Variants in ADAMTS17 observed in about 807,000 individuals in gnomAD.
ADAMTS17 encodes A disintegrin and metalloproteinase with thrombospondin motifs 17.
Under a neutral mutation model 141.5 loss-of-function variants are expected in ADAMTS17, and 113 were observed. That is an observed-to-expected ratio of 0.80 (90% CI 0.69 to 0.93). The LOEUF (loss-of-function observed/expected upper bound fraction) is 0.93, where lower values mean the gene tolerates loss of function less well. Among genes scored for constraint, ADAMTS17 ranks in the 40% least tolerant of loss-of-function variants. The probability of loss-of-function intolerance (pLI) is 0.00; values close to 1 mark genes in which losing one functional copy is unlikely to be tolerated. For missense variants in ADAMTS17, 1,659 were observed against 1,517.9 expected, an observed-to-expected ratio of 1.09 and a Z score of -1.54; for synonymous variants, 768 against 630.6, an observed-to-expected ratio of 1.22 and a Z score of -3.27.
intron 12 of ADAMTS17, among the ~76,000 whole-genome samples, chr15:100,118,671 T>C (rs1015301272): frequency 6.6e-5 from 10 of 152,082 alleles, no homozygotes; most frequent in East Asian, 1.9e-4. Flanking sequence ...CCAGGTACCA[T>C]TGGCAGACAG....
chr15:100,340,488 C>G (rs1460711251), intron 2 of ADAMTS17, among the ~76,000 whole-genome samples: 1 of 152,200 alleles, frequency 6.6e-6, no homozygotes, highest in Non-Finnish European at 1.5e-5. Flanking sequence ...CTGTTTCTTA[C>G]GTTTCAGCTA....
chr15:100,055,281 C>T (rs1328198158), intron 15 of ADAMTS17, among the ~76,000 whole-genome samples: 1 of 152,208 alleles, frequency 6.6e-6, no homozygotes, highest in Non-Finnish European at 1.5e-5. Flanking sequence ...AAAATGCCCA[C>T]ATTTAATACT....
chr15:100,088,641 G>C lies in ADAMTS17; in HGVS notation c.2137+7715C>G, dbSNP rs2035258157. Among the ~76,000 whole-genome samples the C allele has an allele frequency of 2.7e-5, 4 of 150,186 alleles. No homozygotes were observed. In the South Asian group the frequency reaches 8.3e-4, roughly 31 times the overall value. On this transcript the variant is annotated intron_variant, in intron 15 of 21. Transcript: ENST00000268070. Reference sequence around the variant, plus strand: ...AGCATGGTACTGGTACCAAAACAGAGATATAGACCAATGGAACAGAACAGA... The same window carrying C: ...AGCATGGTACTGGTACCAAAACAGACATATAGACCAATGGAACAGAACAGA...
At chr15:100,093,940 T>C (rs1201865074) in intron 15 of ADAMTS17, among the ~76,000 whole-genome samples, 2 of 151,830 alleles carry the variant, frequency 1.3e-5, no homozygotes, top group African/African-American at 4.8e-5. Flanking sequence ...TGTCAGACCA[T>C]GATGACAAGT....
intron 2 of ADAMTS17, 41 bp from the exon 3 acceptor site, chr15:100,331,095 C>T (rs1231489859): frequency 6.2e-7 from 1 of 1,612,320 alleles, no homozygotes; most frequent in Non-Finnish European, 8.5e-7. Context: ...CGGTCATCCT[C>T]ACTCACACAC....
intron 3 of ADAMTS17, among the ~76,000 whole-genome samples, chr15:100,282,099 G>T (rs1441090720): frequency 6.6e-6 from 1 of 152,120 alleles, no homozygotes; most frequent in Non-Finnish European, 1.5e-5. Flanking sequence ...TGTTATCAAA[G>T]AGCCCACACC....
At chr15:99,976,478 G>C (rs1215697371) in intron 20 of ADAMTS17, 2 of 599,964 alleles carry the variant, frequency 3.3e-6, no homozygotes, top group African/African-American at 3.7e-5. Context: ...GTCATGCCCA[G>C]GCACTTGCAA....
At chr15:100,006,007 G>A (rs1258888345) in intron 18 of ADAMTS17, among the ~76,000 whole-genome samples, 1 of 152,102 alleles carries the variant, frequency 6.6e-6, no homozygotes, top group African/African-American at 2.4e-5. Flanking sequence ...TCCTCTGTGT[G>A]TCTGTGTCCT....
intron 8 of ADAMTS17, among the ~76,000 whole-genome samples, chr15:100,162,010 G>A (rs1174748725): frequency 6.6e-6 from 1 of 152,218 alleles, no homozygotes; most frequent in Admixed American, 6.5e-5. Context: ...AATGCACATA[G>A]TACCATGTCA....
chr15:100,113,799 C>T (rs142048956), intron 13 of ADAMTS17, among the ~76,000 whole-genome samples: 49 of 152,352 alleles, frequency 3.2e-4, no homozygotes, highest in African/African-American at 1.2e-3. Flanking sequence ...TCACGCCCCT[C>T]ATCCCCACGG....
chr15:100,078,941 C>T (rs565920714), intron 15 of ADAMTS17, among the ~76,000 whole-genome samples: 7 of 152,218 alleles, frequency 4.6e-5, no homozygotes, highest in Admixed American at 6.5e-5. Flanking sequence ...GATATATGAA[C>T]AATCCATAAG....
intron 7 of ADAMTS17, among the ~76,000 whole-genome samples, chr15:100,232,505 C>A (rs1477560075): frequency 6.6e-6 from 1 of 152,228 alleles, no homozygotes; most frequent in Non-Finnish European, 1.5e-5. Context: ...TCCCAGTAAA[C>A]CCACCTTCTT....
chr15:100,162,437 TAC>T (rs1288506205), intron 8 of ADAMTS17, among the ~76,000 whole-genome samples: 3 of 137,260 alleles, frequency 2.2e-5, no homozygotes, highest in African/African-American at 5.6e-5. Flanking sequence ...TAGTTATATA[TAC>T]ACATATAGTT....
At chr15:100,088,656 A>G (rs1363991818) in intron 15 of ADAMTS17, among the ~76,000 whole-genome samples, 2 of 152,070 alleles carry the variant, frequency 1.3e-5, no homozygotes, top group African/African-American at 4.8e-5. Flanking sequence ...AGACCAATGG[A>G]ACAGAACAGA....
chr15:100,022,969 G>A (rs990692068), intron 18 of ADAMTS17, among the ~76,000 whole-genome samples: 3 of 144,194 alleles, frequency 2.1e-5, no homozygotes, highest in Non-Finnish European at 4.5e-5. Context: ...TTTCACCGGA[G>A]CACTGCTTCT....
intron 15 of ADAMTS17, among the ~76,000 whole-genome samples, chr15:100,080,488 A>T (rs563458267): frequency 2.0e-4 from 30 of 152,314 alleles, no homozygotes; most frequent in Admixed American, 2.0e-3. Context: ...CAACAGCCCA[A>T]TCCAGGCAGG....
At chr15:100,189,632 C>G (rs1176960036) in intron 8 of ADAMTS17, among the ~76,000 whole-genome samples, 1 of 152,216 alleles carries the variant, frequency 6.6e-6, no homozygotes, top group East Asian at 1.9e-4. Flanking sequence ...AGAAACCAAC[C>G]CATGCATGCC....
chr15:100,331,470 G>T (rs1415040055), intron 2 of ADAMTS17, among the ~76,000 whole-genome samples: 1 of 151,972 alleles, frequency 6.6e-6, no homozygotes, highest in Non-Finnish European at 1.5e-5. Context: ...CTTATCCCTG[G>T]GTATATTAAG....
intron 8 of ADAMTS17, among the ~76,000 whole-genome samples, chr15:100,155,961 A>C (rs1250850247): frequency 1.3e-5 from 2 of 150,342 alleles, no homozygotes; most frequent in African/African-American, 4.9e-5. Flanking sequence ...GGGTGAGCCA[A>C]GACATGCAGC....
Sources: gnomAD v4.1 joint callset for allele counts (sites outside exome capture counted in the v4.1 genomes callset) on GRCh38, gnomAD v4.1.1 for gene constraint, MANE v1.5 for transcripts, NCBI Gene and HGNC (gene_info 2026-07-23, HGNC 2026-07-21) for gene names.